ZFP1: variants seen among roughly 807,000 people sequenced by gnomAD.
ZFP1 encodes the protein zinc finger protein 1 homolog.
In ZFP1, 32 loss-of-function variants were observed where a neutral mutation model predicts 38.5. The observed-to-expected ratio is 0.83, with a 90% CI of 0.63 to 1.12. ZFP1 has a LOEUF of 1.12. Ranked by LOEUF, ZFP1 falls within the 50% of genes most tolerant of loss-of-function variation. The pLI, the probability that ZFP1 is intolerant of heterozygous loss-of-function variation, is 0.00. For missense variants in ZFP1, 616 were observed against 480.8 expected (o/e 1.28, Z -2.63); for synonymous variants, 245 against 168.8 (o/e 1.45, Z -3.50).
intron 2 of ZFP1, among the ~76,000 whole-genome samples, chr16:75,163,061 C>T (rs2037866825): frequency 6.6e-6 from 1 of 151,980 alleles, no homozygotes; most frequent in Non-Finnish European, 1.5e-5. Flanking sequence ...ATGCGCCCAC[C>T]ACCACGTCCG....
chr16:75,161,603 A>T (rs181315856), intron 2 of ZFP1, among the ~76,000 whole-genome samples: 8 of 150,832 alleles, frequency 5.3e-5, no homozygotes, highest in Admixed American at 2.0e-4. Flanking sequence ...CAGTCTTCTT[A>T]CTTGTAACCT....
At chr16:75,167,192 T>C (rs1431264282) in intron 3 of ZFP1, among the ~76,000 whole-genome samples, 3 of 152,212 alleles carry the variant, frequency 2.0e-5, no homozygotes, top group African/African-American at 7.2e-5. Flanking sequence ...ATTCAGAACA[T>C]TCTAAGGGAG....
At chr16:75,132,874 G>C in the ZFP1 span, among the ~76,000 whole-genome samples, 2 of 151,450 alleles carry the variant, frequency 1.3e-5, no homozygotes, top group Non-Finnish European at 2.9e-5. Context: ...TGGCCAGGCT[G>C]GTCTCAAACT....
chr16:75,142,879 T>C, the ZFP1 span, among the ~76,000 whole-genome samples: 2 of 152,054 alleles, frequency 1.3e-5, no homozygotes, highest in Non-Finnish European at 2.9e-5. Flanking sequence ...TTTTTATATT[T>C]TTAGTAGAGA....
chr16:75,146,777 A>G (rs912236011), upstream of ZFP1, among the ~76,000 whole-genome samples: 6 of 151,984 alleles, frequency 3.9e-5, no homozygotes, highest in Non-Finnish European at 5.9e-5. Context: ...CATCTCTACA[A>G]AAAATACAAA....
At chr16:75,162,612 A>T (rs1223708645) in intron 2 of ZFP1, among the ~76,000 whole-genome samples, 1 of 152,126 alleles carries the variant, frequency 6.6e-6, no homozygotes, top group African/African-American at 2.4e-5. Flanking sequence ...GGTATGATTG[A>T]TCATGTCACC....
At chr16:75,155,453 AATCATTCAGTAAC>A (rs1472857726) in intron 2 of ZFP1, among the ~76,000 whole-genome samples, 2 of 152,128 alleles carry the variant, frequency 1.3e-5, no homozygotes, top group African/African-American at 2.4e-5. Context: ...GTGTTTTTTA[AATCATTCAGTAAC>A]ATATCTTTGA....
chr16:75,170,168 A>AGTTCTGG lies in ZFP1; in HGVS notation c.1058_1059insGTTCTGG (p.Cys354PhefsTer5). The stretch of plus-strand genomic sequence containing the variant: ...ACTCATACAGGAGAGAAACCCTATG[A>AGTTCTGG]ATGTACTGAGTGCGGCAAAACTTTC... On this transcript the variant is annotated frameshift_variant, in exon 4 of 4. Transcript: ENST00000570010. LOFTEE classifies it high-confidence loss of function. 6.2e-7 allele frequency: 1 copy of AGTTCTGG among 1,614,186 alleles called. No homozygotes were observed. Among genetic ancestry groups the AGTTCTGG allele is most frequent in the Non-Finnish European group, 8.5e-7 (1 of 1,180,028 alleles).
At chr16:75,125,771 G>C in the ZFP1 span, among the ~76,000 whole-genome samples, 1 of 151,694 alleles carries the variant, frequency 6.6e-6, no homozygotes, top group African/African-American at 2.4e-5. Context: ...GGCCGGGTGC[G>C]GTGGCTCATG....
the ZFP1 span, among the ~76,000 whole-genome samples, chr16:75,130,864 C>T: frequency 1.3e-5 from 2 of 151,648 alleles, no homozygotes; most frequent in East Asian, 1.9e-4. Context: ...GACCATTCCA[C>T]GGCCTAAAAC....
At chr16:75,128,445 C>T in the ZFP1 span, among the ~76,000 whole-genome samples, 1 of 152,182 alleles carries the variant, frequency 6.6e-6, no homozygotes, top group Non-Finnish European at 1.5e-5. Context: ...GCAAACCAGT[C>T]CTACCATGAT....
the ZFP1 span, chr16:75,119,470 A>T: frequency 2.0e-5 from 3 of 151,990 alleles, no homozygotes. Flanking sequence ...ATGTTGATGG[A>T]AGGCAGGTAA....
the ZFP1 span, among the ~76,000 whole-genome samples, chr16:75,136,388 G>C: frequency 6.6e-6 from 1 of 152,192 alleles, no homozygotes; most frequent in African/African-American, 2.4e-5. Flanking sequence ...GGCTATACAT[G>C]TATACTGGAA....
the ZFP1 span, among the ~76,000 whole-genome samples, chr16:75,125,091 T>C: frequency 6.6e-6 from 1 of 151,818 alleles, no homozygotes; most frequent in African/African-American, 2.4e-5. Flanking sequence ...AAACCCCATC[T>C]GTACTAAAAA....
At chr16:75,164,608 A>G (rs2037962673) in intron 2 of ZFP1, among the ~76,000 whole-genome samples, 1 of 152,062 alleles carries the variant, frequency 6.6e-6, no homozygotes, top group African/African-American at 2.4e-5. Context: ...GACATCTATT[A>G]TGTACTAGTC....
At chr16:75,145,962 C>T (rs1244670481), upstream of ZFP1, among the ~76,000 whole-genome samples, 1 of 152,158 alleles carries the variant, frequency 6.6e-6, no homozygotes, top group Non-Finnish European at 1.5e-5. Flanking sequence ...TTGTAACACA[C>T]CCCTAGATGC....
intron 2 of ZFP1, among the ~76,000 whole-genome samples, chr16:75,158,142 A>C (rs1057080147): frequency 1.3e-5 from 2 of 151,404 alleles, no homozygotes; most frequent in African/African-American, 4.9e-5. Flanking sequence ...TTTTTGCTTC[A>C]ACCTATTTAT....
Position 75,152,940 on chromosome 16 carries a change from A to G in ZFP1, c.-12A>G, listed in dbSNP as rs182366581. On this transcript the variant is annotated 5_prime_UTR_variant, in exon 2 of 4. Coordinates refer to ENST00000570010, the MANE Select transcript of ZFP1 (RefSeq NM_153688.4). ...CTTCATAGTTCTCTGCCTTTGCCCA[A>G]AACTGCAGAAAATGAACAAATCCCA... The G allele has an allele frequency of 2.2e-5, 36 of 1,613,802 alleles. No homozygotes were observed. In the African/African-American group the frequency reaches 3.2e-4, roughly 14 times the overall value.
intron 2 of ZFP1, among the ~76,000 whole-genome samples, chr16:75,166,321 C>T (rs924638448): frequency 6.6e-6 from 1 of 152,148 alleles, no homozygotes; most frequent in Non-Finnish European, 1.5e-5. Flanking sequence ...CAGCCTCTGC[C>T]TCCCGGGTTT....
Sources: allele counts gnomAD v4.1 joint callset (sites outside exome capture counted in the v4.1 genomes callset), GRCh38; gene constraint gnomAD v4.1.1; transcripts MANE v1.5; gene names NCBI Gene and HGNC (gene_info 2026-07-23, HGNC 2026-07-21).